The following MYRIP variants were observed in gnomAD, a reference collection of about 807,000 sequenced individuals.
The protein encoded by MYRIP is rab effector MyRIP.
A neutral mutation model predicts 98.0 loss-of-function variants in MYRIP; 49 were observed. The ratio of observed to expected loss-of-function variants is 0.50; its 90% confidence interval spans 0.40 to 0.63. MYRIP has a LOEUF of 0.63. MYRIP is among the 30% of genes least tolerant of loss of function. MYRIP has a pLI of 0.00. For synonymous variants in MYRIP, 404 were observed against 409.5 expected, an observed-to-expected ratio of 0.99 and a Z score of 0.16; for missense variants, 1,004 against 1,058.2, an observed-to-expected ratio of 0.95 and a Z score of 0.71.
intron 2 of MYRIP, among the ~76,000 whole-genome samples, chr3:39,998,137 C>A (rs577189345): frequency 6.6e-6 from 1 of 152,106 alleles, no homozygotes; most frequent in Non-Finnish European, 1.5e-5. Context: ...ACAGGGATGC[C>A]CTCTCTCACC....
intron 3 of MYRIP, among the ~76,000 whole-genome samples, chr3:40,094,076 T>C (rs79338883): frequency 5.5e-4 from 83 of 152,244 alleles, no homozygotes; most frequent in African/African-American, 1.9e-3. Context: ...CCCAATTTTA[T>C]TCTGCTGTTC....
intron 10 of MYRIP, 91 bp from the exon 11 acceptor site, chr3:40,209,755 ATATGTTCC>A: frequency 3.3e-6 from 5 of 1,495,542 alleles, no homozygotes; most frequent in Non-Finnish European, 4.5e-6. Context: ...TTCCTAGACT[ATATGTTCC>A]TATGTTCCTT....
chr3:39,868,045 T>C (rs1404441276), intron 1 of MYRIP, among the ~76,000 whole-genome samples: 1 of 152,226 alleles, frequency 6.6e-6, no homozygotes, highest in Non-Finnish European at 1.5e-5. Context: ...CACACCCACA[T>C]AGTAATGTGT....
chr3:39,840,615 A>T (rs1941772285), intron 1 of MYRIP, among the ~76,000 whole-genome samples: 1 of 151,984 alleles, frequency 6.6e-6, no homozygotes, highest in Non-Finnish European at 1.5e-5. Context: ...TTTCCTTTCC[A>T]TATTTAGTGC....
chr3:39,813,105 A>C (rs1042290216), intron 1 of MYRIP, among the ~76,000 whole-genome samples: 1 of 152,108 alleles, frequency 6.6e-6, no homozygotes, highest in African/African-American at 2.4e-5. Flanking sequence ...CTACCCCAGA[A>C]TCTCTTCAGA....
At chr3:40,059,563 T>C (rs528210088) in intron 3 of MYRIP, among the ~76,000 whole-genome samples, 111 of 152,214 alleles carry the variant, frequency 7.3e-4, no homozygotes, top group Non-Finnish European at 1.4e-3. Context: ...ATATGTTTGT[T>C]GGCCGTATAA....
chr3:39,893,261 T>C (rs1275875128), intron 1 of MYRIP, among the ~76,000 whole-genome samples: 1 of 152,208 alleles, frequency 6.6e-6, no homozygotes, highest in African/African-American at 2.4e-5. Flanking sequence ...CCCAGGTTTT[T>C]TGGAAGTTTT....
intron 3 of MYRIP, among the ~76,000 whole-genome samples, chr3:40,147,695 T>TTTTGG (rs1950038014): frequency 6.6e-6 from 1 of 152,178 alleles, no homozygotes; most frequent in Non-Finnish European, 1.5e-5. Flanking sequence ...TCTTGAGCTG[T>TTTTGG]TTTTGGTTTT....
At chr3:40,021,413 A>G (rs556953747) in intron 2 of MYRIP, among the ~76,000 whole-genome samples, 21 of 152,346 alleles carry the variant, frequency 1.4e-4, no homozygotes, top group Non-Finnish European at 2.4e-4. Flanking sequence ...TAATAGAATT[A>G]AAGTAGGAGT....
chr3:40,021,441 T>G (rs1206851363), intron 2 of MYRIP, among the ~76,000 whole-genome samples: 1 of 152,226 alleles, frequency 6.6e-6, no homozygotes, highest in Non-Finnish European at 1.5e-5. Flanking sequence ...CAATGCATGA[T>G]GCATTAAATG....
At chr3:39,861,218 G>A (rs775942334) in intron 1 of MYRIP, among the ~76,000 whole-genome samples, 2 of 152,208 alleles carry the variant, frequency 1.3e-5, no homozygotes, top group Non-Finnish European at 2.9e-5. Context: ...TGCAGCTCAC[G>A]AGTCCTCAGC....
At chr3:40,165,005 C>T (rs909159391) in intron 5 of MYRIP, among the ~76,000 whole-genome samples, 3 of 152,202 alleles carry the variant, frequency 2.0e-5, no homozygotes, top group South Asian at 4.1e-4. Flanking sequence ...AGCACACAAA[C>T]GGTACTCAGT....
intron 2 of MYRIP, among the ~76,000 whole-genome samples, chr3:39,913,413 G>C (rs1218574612): frequency 1.3e-5 from 2 of 152,080 alleles, no homozygotes; most frequent in Non-Finnish European, 2.9e-5. Context: ...TCAAAGGAAG[G>C]TCTTTTCATC....
chr3:39,866,479 T>A (rs892150521), intron 1 of MYRIP, among the ~76,000 whole-genome samples: 20 of 151,746 alleles, frequency 1.3e-4, no homozygotes, highest in South Asian at 8.4e-4. Context: ...TAATAAAAAA[T>A]TTTTTTTTGA....
chr3:40,014,437 C>T (rs1946819286), intron 2 of MYRIP, among the ~76,000 whole-genome samples: 1 of 152,208 alleles, frequency 6.6e-6, no homozygotes, highest in Non-Finnish European at 1.5e-5. Context: ...AGAACATCCC[C>T]TGGGATCTTG....
chr3:39,883,578 T>C (rs1943210158), intron 1 of MYRIP, among the ~76,000 whole-genome samples: 1 of 151,688 alleles, frequency 6.6e-6, no homozygotes, highest in Admixed American at 6.6e-5. Flanking sequence ...CACTAAAAAA[T>C]AATAAAGCAG....
chr3:39,881,233 T>C (rs905498082), intron 1 of MYRIP, among the ~76,000 whole-genome samples: 100 of 70,570 alleles, frequency 1.4e-3, no homozygotes, highest in African/African-American at 4.7e-3. Context: ...TGTTATCCTG[T>C]TTGTTAGTTT....
chr3:40,057,354 G>C (rs183568209), intron 3 of MYRIP, among the ~76,000 whole-genome samples: 17 of 152,268 alleles, frequency 1.1e-4, no homozygotes, highest in Non-Finnish European at 1.5e-4. Context: ...TTGGAACTAA[G>C]GCAGCTGGTA....
At chr3:39,973,260 T>C (rs982405696) in intron 2 of MYRIP, among the ~76,000 whole-genome samples, 2 of 152,056 alleles carry the variant, frequency 1.3e-5, no homozygotes, top group African/African-American at 4.8e-5. Flanking sequence ...TCCTAGTCTC[T>C]GATAAAACAG....
Sources: allele counts gnomAD v4.1 joint callset (sites outside exome capture counted in the v4.1 genomes callset), GRCh38; gene constraint gnomAD v4.1.1; transcripts MANE v1.5; gene names NCBI Gene and HGNC (gene_info 2026-07-23, HGNC 2026-07-21).